Variants in MEG3 observed in about 807,000 individuals in gnomAD.
MEG3 encodes the protein Very putative protein from MEG3 locus.
chr14:100,844,477 T>C (rs186496004), intron 2 of MEG3, among the ~76,000 whole-genome samples: 1 of 152,208 alleles, frequency 6.6e-6, no homozygotes, highest in African/African-American at 2.4e-5. Context: ...GAATAAACTT[T>C]TTTTCTGTGT....
chr14:100,847,025 G>GT (rs1244582904), intron 3 of MEG3: 1 of 150,294 alleles, frequency 6.7e-6, no homozygotes, highest in Non-Finnish European at 1.5e-5. Flanking sequence ...ACAAAGAAAG[G>GT]TTAAAAAAAA....
intron 1 of MEG3, among the ~76,000 whole-genome samples, chr14:100,826,864 C>T (rs1407638392): frequency 6.6e-6 from 1 of 152,098 alleles, no homozygotes; most frequent in African/African-American, 2.4e-5. Context: ...CAGCCACTTT[C>T]ACAGTGGAGA....
intron 1 of MEG3, chr14:100,860,642 A>G: frequency 2.2e-6 from 1 of 456,574 alleles, no homozygotes; most frequent in Non-Finnish European, 4.4e-6. Flanking sequence ...CTTGTCGGCC[A>G]GCGAGGCCGG....
At chr14:100,841,151 A>T (rs1278323979) in intron 2 of MEG3, among the ~76,000 whole-genome samples, 1 of 152,160 alleles carries the variant, frequency 6.6e-6, no homozygotes, top group Non-Finnish European at 1.5e-5. Flanking sequence ...CCGTAAGGGT[A>T]GGGCCACTCC....
At chr14:100,860,322 G>T (rs1052009485) in exon 1 of MEG3, 5 of 254,008 alleles carry the variant, frequency 2.0e-5, no homozygotes, top group African/African-American at 2.3e-5. Flanking sequence ...AGCTGGATAG[G>T]TTGGGCAGAA....
chr14:100,850,560 C>T (rs1465586217), intron 3 of MEG3: 2 of 150,526 alleles, frequency 1.3e-5, no homozygotes, highest in African/African-American at 2.4e-5. Flanking sequence ...GATTGCACCA[C>T]TGCACTCCAG....
At chr14:100,827,848 C>T (rs974940523) in intron 1 of MEG3, among the ~76,000 whole-genome samples, 2 of 152,188 alleles carry the variant, frequency 1.3e-5, no homozygotes, top group South Asian at 2.1e-4. Context: ...CTTTAGTGAA[C>T]GTGTGTTTAA....
At chr14:100,855,321 A>G (rs2038206441), upstream of MEG3, 1 of 152,110 alleles carries the variant, frequency 6.6e-6, no homozygotes, top group South Asian at 2.1e-4. Flanking sequence ...GTGTAGCGCC[A>G]TGGGCTGTGG....
downstream of MEG3, chr14:100,833,499 C>T (rs943775316): frequency 3.9e-5 from 6 of 152,252 alleles, no homozygotes; most frequent in Non-Finnish European, 7.3e-5. Flanking sequence ...ACCTCATGAT[C>T]CACCTGCCTT....
chr14:100,843,686 T>G (rs1181035144), intron 2 of MEG3, among the ~76,000 whole-genome samples: 2 of 151,872 alleles, frequency 1.3e-5, no homozygotes, highest in African/African-American at 4.8e-5. Context: ...TGACTAGGAA[T>G]AGAGAGGCAG....
chr14:100,855,021 G>A (rs888367209), upstream of MEG3: 2 of 152,676 alleles, frequency 1.3e-5, no homozygotes, highest in Non-Finnish European at 2.9e-5. Flanking sequence ...CAGCCATTTA[G>A]GGAGGGCATG....
At chr14:100,838,271 G>A (rs2139962739) in intron 2 of MEG3, among the ~76,000 whole-genome samples, 1 of 152,322 alleles carries the variant, frequency 6.6e-6, no homozygotes, top group East Asian at 1.9e-4. Context: ...AGCTTTGGCA[G>A]CCCCTGGCTC....
chr14:100,829,657 T>TC (rs1441297272), downstream of MEG3: 1 of 152,196 alleles, frequency 6.6e-6, no homozygotes, highest in Non-Finnish European at 1.5e-5. Flanking sequence ...GACAGGTCAG[T>TC]CCCTTCCCAC....
intron 1 of MEG3, among the ~76,000 whole-genome samples, chr14:100,827,758 G>C (rs2037283092): frequency 6.6e-6 from 1 of 152,186 alleles, no homozygotes; most frequent in African/African-American, 2.4e-5. Flanking sequence ...TTACTTTCCA[G>C]CGATGTCACA....
At chr14:100,828,330 C>A (rs1397120684) in intron 1 of MEG3, among the ~76,000 whole-genome samples, 1 of 151,766 alleles carries the variant, frequency 6.6e-6, no homozygotes, top group Non-Finnish European at 1.5e-5. Context: ...ATCATCCTTA[C>A]CCCCTCCCAC....
intron 2 of MEG3, among the ~76,000 whole-genome samples, chr14:100,844,607 G>A (rs1006496821): frequency 1.3e-5 from 2 of 152,074 alleles, no homozygotes; most frequent in Non-Finnish European, 2.9e-5. Flanking sequence ...TGTTCCGATC[G>A]ATGGAACGAC....
At chr14:100,829,752 A>G (rs1296306822), downstream of MEG3, 2 of 152,206 alleles carry the variant, frequency 1.3e-5, no homozygotes, top group African/African-American at 2.4e-5. Context: ...TGCATCAGGT[A>G]GGGGCTTTGC....
upstream of MEG3, chr14:100,853,532 G>A (rs2038151081): frequency 6.6e-6 from 1 of 151,202 alleles, no homozygotes; most frequent in African/African-American, 2.4e-5. Context: ...TCTTTAATGA[G>A]CATCCCTTCT....
chr14:100,858,298 G>C (rs1412210888), exon 1 of MEG3: 1 of 152,968 alleles, frequency 6.5e-6, no homozygotes, highest in Non-Finnish European at 1.5e-5. Context: ...AGCTGCGTTA[G>C]AGGAGGTGCT....
Sources: gnomAD v4.1 joint callset for allele counts (sites outside exome capture counted in the v4.1 genomes callset) on GRCh38, gnomAD v4.1.1 for gene constraint, MANE v1.5 for transcripts, NCBI Gene and HGNC (gene_info 2026-07-23, HGNC 2026-07-21) for gene names.